GRXCR1: variants seen among roughly 807,000 people sequenced by gnomAD.
The protein encoded by GRXCR1 is glutaredoxin domain-containing cysteine-rich protein 1.
Under a neutral mutation model 27.3 loss-of-function variants are expected in GRXCR1, and 27 were observed. The ratio of observed to expected loss-of-function variants is 0.99; its 90% CI spans 0.73 to 1.37. GRXCR1 has a LOEUF of 1.37. Ranked by LOEUF, GRXCR1 falls within the 40% of genes most tolerant of loss-of-function variation. The pLI, the probability that GRXCR1 is intolerant of heterozygous loss-of-function variation, is 0.00. For synonymous variants in GRXCR1, 122 were observed against 131.1 expected (o/e 0.93, Z 0.47); for missense variants, 379 against 354.4 (o/e 1.07, Z -0.56).
chr4:42,949,064 A>G (rs1747814891), intron 1 of GRXCR1, among the ~76,000 whole-genome samples: 1 of 152,148 alleles, frequency 6.6e-6, no homozygotes, highest in Non-Finnish European at 1.5e-5. Flanking sequence ...TATGTATTTA[A>G]GAAACTCTGG....
chr4:42,971,016 C>T (rs943471883), intron 2 of GRXCR1, among the ~76,000 whole-genome samples: 4 of 152,064 alleles, frequency 2.6e-5, no homozygotes, highest in African/African-American at 2.4e-5. Flanking sequence ...TTTCTTCTGC[C>T]CGGATACCCT....
At chr4:42,942,223 C>G (rs1429620531) in intron 1 of GRXCR1, among the ~76,000 whole-genome samples, 1 of 151,840 alleles carries the variant, frequency 6.6e-6, no homozygotes, top group African/African-American at 2.4e-5. Flanking sequence ...ATATGGTAAA[C>G]TGGATGCATT....
At chr4:42,986,194 C>A (rs1418273585) in intron 2 of GRXCR1, among the ~76,000 whole-genome samples, 2 of 152,154 alleles carry the variant, frequency 1.3e-5, no homozygotes, top group Non-Finnish European at 2.9e-5. Flanking sequence ...AAGCTAAAGA[C>A]CTGACCATAT....
chr4:42,987,222 T>TTATATATATATA lies in GRXCR1; in HGVS notation c.627+24095_627+24096insATATATATATAT, dbSNP rs1553943891. Among the ~76,000 whole-genome samples the TTATATATATATA allele has an allele frequency of 3.0e-5, 3 of 100,594 alleles. No individual in the cohort carries two copies. The Admixed American group carries it at 3.9e-4, about 13-fold the overall frequency. The allele number at this position is 100,594 out of a possible 152,430, so 66.0% of individuals were successfully genotyped here. On this transcript the variant is annotated intron_variant, in intron 2 of 3. Coordinates refer to ENST00000399770, the MANE Select transcript of GRXCR1 (RefSeq NM_001080476.3). ...TTTTCATATATATATTATATATATATTATATATTATATATATATAATATAT... is the reference window on the plus strand; with the variant it reads ...TTTTCATATATATATTATATATATATTATATATATATATATATATTATATATATATAATATAT...
intron 1 of GRXCR1, among the ~76,000 whole-genome samples, chr4:42,912,904 A>G (rs1746756679): frequency 6.6e-6 from 1 of 152,114 alleles, no homozygotes; most frequent in Non-Finnish European, 1.5e-5. Context: ...CTAGTGTCTC[A>G]TGATAGTGAG....
At chr4:42,960,468 G>C (rs1432008461) in intron 1 of GRXCR1, among the ~76,000 whole-genome samples, 2 of 151,856 alleles carry the variant, frequency 1.3e-5, no homozygotes, top group African/African-American at 4.8e-5. Flanking sequence ...TCCCTCTAAA[G>C]ATCAGTGTTT....
At chr4:42,903,558 C>T (rs928603034) in intron 1 of GRXCR1, among the ~76,000 whole-genome samples, 3 of 147,422 alleles carry the variant, frequency 2.0e-5, no homozygotes, top group Non-Finnish European at 4.5e-5. Flanking sequence ...GTGATCCGCC[C>T]GCCTTGGCCT....
At chr4:42,912,649 T>A (rs952715627) in intron 1 of GRXCR1, among the ~76,000 whole-genome samples, 2 of 152,206 alleles carry the variant, frequency 1.3e-5, no homozygotes, top group Non-Finnish European at 2.9e-5. Flanking sequence ...GTGCAGAGAT[T>A]GCAACATTTT....
intron 3 of GRXCR1, among the ~76,000 whole-genome samples, chr4:43,028,059 C>A (rs1174580036): frequency 1.3e-5 from 2 of 151,640 alleles, no homozygotes; most frequent in East Asian, 3.9e-4. Flanking sequence ...CAGTGAGCTG[C>A]TGAGGTCGCA....
chr4:42,901,757 T>A (rs1746467484), intron 1 of GRXCR1, among the ~76,000 whole-genome samples: 1 of 152,184 alleles, frequency 6.6e-6, no homozygotes, highest in Non-Finnish European at 1.5e-5. Context: ...ATTGGCTTCA[T>A]TTTTTCCTGG....
chr4:43,018,748 T>G (rs1713008433), intron 2 of GRXCR1, among the ~76,000 whole-genome samples: 1 of 152,192 alleles, frequency 6.6e-6, no homozygotes, highest in Non-Finnish European at 1.5e-5. Context: ...TCTTTCCCAT[T>G]TTAACTTAGC....
At chr4:42,939,635 C>G (rs770844672) in intron 1 of GRXCR1, among the ~76,000 whole-genome samples, 3 of 152,048 alleles carry the variant, frequency 2.0e-5, no homozygotes, top group Non-Finnish European at 4.4e-5. Context: ...TGCCTCCTAA[C>G]TTTGAAATTG....
At chr4:43,009,039 G>C (rs1187670468) in intron 2 of GRXCR1, among the ~76,000 whole-genome samples, 1 of 152,178 alleles carries the variant, frequency 6.6e-6, no homozygotes, top group Non-Finnish European at 1.5e-5. Flanking sequence ...GTCCTCAAAA[G>C]ATCAATCACA....
intron 2 of GRXCR1, among the ~76,000 whole-genome samples, chr4:43,010,001 T>G (rs1376103969): frequency 6.6e-6 from 1 of 152,186 alleles, no homozygotes; most frequent in African/African-American, 2.4e-5. Flanking sequence ...ATTTCTCTGC[T>G]TCAGGAGTGA....
At chr4:42,935,882 T>TCTTTA (rs1444606684) in intron 1 of GRXCR1, among the ~76,000 whole-genome samples, 2 of 151,940 alleles carry the variant, frequency 1.3e-5, no homozygotes, top group Non-Finnish European at 2.9e-5. Context: ...ATAATAGGTT[T>TCTTTA]CTTTACTCTG....
chr4:43,010,882 T>C (rs576861713), intron 2 of GRXCR1, among the ~76,000 whole-genome samples: 9 of 152,308 alleles, frequency 5.9e-5, no homozygotes, highest in Non-Finnish European at 1.2e-4. Flanking sequence ...ATACTCAACA[T>C]ATATTATCTC....
At chr4:42,901,106 C>G (rs1278885295) in intron 1 of GRXCR1, among the ~76,000 whole-genome samples, 1 of 152,130 alleles carries the variant, frequency 6.6e-6, no homozygotes, top group East Asian at 1.9e-4. Context: ...CATGATTTCT[C>G]CCAGAAATCA....
At chr4:42,966,046 GA>G (rs113913833) in intron 2 of GRXCR1, among the ~76,000 whole-genome samples, 16 of 150,914 alleles carry the variant, frequency 1.1e-4, no homozygotes, top group African/African-American at 3.2e-4. Context: ...AACAGTCAAG[GA>G]AAAAAAAATA....
At chr4:42,941,591 C>T (rs896642329) in intron 1 of GRXCR1, among the ~76,000 whole-genome samples, 4 of 151,914 alleles carry the variant, frequency 2.6e-5, no homozygotes, top group Non-Finnish European at 5.9e-5. Flanking sequence ...TCTTATTTAA[C>T]GGAGAGGCAA....
Sources: gnomAD v4.1 joint callset for allele counts (sites outside exome capture counted in the v4.1 genomes callset) on GRCh38, gnomAD v4.1.1 for gene constraint, MANE v1.5 for transcripts, NCBI Gene and HGNC (gene_info 2026-07-23, HGNC 2026-07-21) for gene names.